The following EIF3H variants were observed in gnomAD, a reference collection of about 807,000 sequenced individuals.
EIF3H encodes eukaryotic translation initiation factor 3 subunit H.
In EIF3H, 26 loss-of-function variants were observed where a neutral mutation model predicts 44.2. The observed-to-expected ratio is 0.59, with a 90% confidence interval of 0.43 to 0.82. EIF3H has a LOEUF of 0.82. Among genes scored for constraint, EIF3H ranks in the 40% least tolerant of loss-of-function variants. EIF3H has a pLI of 0.00. For synonymous variants in EIF3H, 166 were observed against 151.9 expected, an observed-to-expected ratio of 1.09 and a Z score of -0.68; for missense variants, 359 against 432.8, an observed-to-expected ratio of 0.83 and a Z score of 1.51.
chr8:116,756,684 A>C (rs951043381), upstream of EIF3H, among the ~76,000 whole-genome samples: 1 of 152,234 alleles, frequency 6.6e-6, no homozygotes, highest in Non-Finnish European at 1.5e-5. Flanking sequence ...TTGTTTTGTC[A>C]TTGGGATCTG....
intron 2 of EIF3H, among the ~76,000 whole-genome samples, chr8:116,677,205 T>C (rs976765343): frequency 4.6e-5 from 7 of 152,156 alleles, no homozygotes; most frequent in African/African-American, 1.4e-4. Context: ...TGCAGAAAAA[T>C]ACTCTGTGCA....
chr8:116,744,276 C>G (rs1266376793), intron 1 of EIF3H, among the ~76,000 whole-genome samples: 1 of 149,822 alleles, frequency 6.7e-6, no homozygotes, highest in African/African-American at 2.5e-5. Context: ...CACTTAAGTA[C>G]CACTTTAGGT....
chr8:116,699,851 C>T (rs1050478715), intron 2 of EIF3H, among the ~76,000 whole-genome samples: 9 of 152,002 alleles, frequency 5.9e-5, no homozygotes, highest in African/African-American at 1.7e-4. Context: ...GCTCTTGTTG[C>T]CCAGGCTGAA....
chr8:116,740,867 G>A (rs1269449760), intron 1 of EIF3H, among the ~76,000 whole-genome samples: 3 of 151,992 alleles, frequency 2.0e-5, no homozygotes, highest in African/African-American at 7.3e-5. Context: ...CCTTAGGCAG[G>A]TTACCTTATC....
intron 5 of EIF3H, among the ~76,000 whole-genome samples, chr8:116,652,060 C>G (rs1325049027): frequency 6.6e-6 from 1 of 152,100 alleles, no homozygotes; most frequent in Non-Finnish European, 1.5e-5. Flanking sequence ...AATCGCCCCA[C>G]GAGTACATGT....
rs376532100 is a variant in EIF3H at position 116,642,775 on chromosome 8, C to T, written c.*2231G>A. On this transcript the variant is annotated 3_prime_UTR_variant, in exon 8 of 8. Transcript: ENST00000521861. ...AGAATACAGCACTCAAATCAAATGC[C>T]GAACAGAAGCTATTCCCTAACACTA... 1 of 152,128 alleles carries T rather than the reference C, an allele frequency of 6.6e-6. No homozygotes were observed. The highest frequency in any genetic ancestry group is 2.4e-5 in the African/African-American group (1 of 41,422). 9.4% of individuals were successfully genotyped at this position (152,128 alleles called of 1,614,324 possible).
rs989468268 is a variant in EIF3H at position 116,643,014 on chromosome 8, A to G, written c.*1992T>C. Reference sequence around the variant, plus strand: ...GTTAAATTACTCTTAATCCTAAAAAATACATAAGTTATGTTCCAACTGATT... The same window carrying G: ...GTTAAATTACTCTTAATCCTAAAAAGTACATAAGTTATGTTCCAACTGATT... On this transcript the variant is annotated 3_prime_UTR_variant, in exon 8 of 8. Transcript: ENST00000521861. The G allele has an allele frequency of 3.9e-5, 6 of 152,244 alleles. No homozygotes were observed. The highest frequency in any genetic ancestry group is 7.3e-5 in the Non-Finnish European group (5 of 68,040). The allele number at this position is 152,244 out of a possible 1,614,324, so 9.4% of individuals were successfully genotyped here.
chr8:116,739,291 C>T lies in EIF3H; in HGVS notation c.133-13119G>A, dbSNP rs568505901. On this transcript the variant is annotated intron_variant, in intron 1 of 7. Coordinates refer to ENST00000521861, the MANE Select transcript of EIF3H (RefSeq NM_003756.3). ...TATTTAGGCCCATCCCTTTATTTCC[C>T]GTAAGGAATACTTTCAGTTAATCTA... 9.8e-5 allele frequency among the ~76,000 whole-genome samples: 15 copies of T among 152,310 alleles called. No homozygotes were observed. The East Asian group carries it at 1.3e-3, about 14-fold the overall frequency.
chr8:116,746,863 C>T (rs968732039), intron 1 of EIF3H, among the ~76,000 whole-genome samples: 2 of 151,680 alleles, frequency 1.3e-5, no homozygotes, highest in African/African-American at 4.8e-5. Context: ...GTTTTTCACT[C>T]ACAGCAAAAA....
intron 2 of EIF3H, among the ~76,000 whole-genome samples, chr8:116,717,256 A>C (rs1417183453): frequency 6.6e-6 from 1 of 152,172 alleles, no homozygotes; most frequent in East Asian, 1.9e-4. Context: ...TAGACTACAC[A>C]AACAAATGGA....
At chr8:116,646,014 A>C (rs1466053882) in intron 7 of EIF3H, among the ~76,000 whole-genome samples, 1 of 152,244 alleles carries the variant, frequency 6.6e-6, no homozygotes, top group Non-Finnish European at 1.5e-5. Flanking sequence ...TTAAACATTA[A>C]GTATAACCAG....
chr8:116,764,112 T>C (rs772087880), intron 1 of EIF3H, among the ~76,000 whole-genome samples: 8 of 152,318 alleles, frequency 5.3e-5, no homozygotes, highest in Non-Finnish European at 8.8e-5. Context: ...ATTAATCGCC[T>C]ACTTACTCCA....
At chr8:116,687,948 C>T (rs934123889) in intron 2 of EIF3H, among the ~76,000 whole-genome samples, 46 of 152,022 alleles carry the variant, frequency 3.0e-4, no homozygotes, top group African/African-American at 1.1e-3. Context: ...AAGGTCCCGG[C>T]CTTCTAAATA....
intron 2 of EIF3H, among the ~76,000 whole-genome samples, chr8:116,722,717 T>C (rs1008487017): frequency 1.3e-5 from 2 of 152,178 alleles, no homozygotes; most frequent in African/African-American, 4.8e-5. Flanking sequence ...AGGTTTTGTT[T>C]TTCTTATCAG....
chr8:116,757,914 G>T (rs1240964530), upstream of EIF3H, among the ~76,000 whole-genome samples: 1 of 152,090 alleles, frequency 6.6e-6, no homozygotes, highest in Non-Finnish European at 1.5e-5. Context: ...TAAAGACGGG[G>T]TTTTGCCATG....
At chr8:116,654,560 G>A (rs1200568046) in intron 5 of EIF3H, among the ~76,000 whole-genome samples, 2 of 152,098 alleles carry the variant, frequency 1.3e-5, no homozygotes, top group Non-Finnish European at 2.9e-5. Flanking sequence ...TTTAAATACA[G>A]GTGTGCCCAA....
rs192291186 is a variant in EIF3H, at chr8:116,648,484, A to C, written c.828+322T>G. Among the ~76,000 whole-genome samples, 5 of 152,224 alleles carry C rather than the reference A, an allele frequency of 3.3e-5. No homozygotes were observed. In the East Asian group the frequency reaches 9.6e-4, roughly 29 times the overall value. The stretch of plus-strand genomic sequence containing the variant: ...TGCCACAATGAGCCACTGCCAAACC[A>C]ATTATAGTTAGTAAAGAAATGAGCT... On this transcript the variant is annotated intron_variant, in intron 6 of 7. Coordinates refer to ENST00000521861, the MANE Select transcript of EIF3H (RefSeq NM_003756.3).
chr8:116,656,025 T>G lies in EIF3H; in HGVS notation c.558-20A>C, dbSNP rs1235505258. The G allele has an allele frequency of 1.2e-6, 2 of 1,610,434 alleles. No homozygotes were observed. Among genetic ancestry groups the G allele is most frequent in the Non-Finnish European group, 1.7e-6 (2 of 1,178,484 alleles). On this transcript the variant is annotated intron_variant, in intron 4 of 7. Transcript: ENST00000521861. ...TTCAATCTGTGAAGCATGTTAAAAA[T>G]ACTTTAGTCTGATGGTCAAAAGTAA...
At chr8:116,693,850 A>T (rs114281704) in intron 2 of EIF3H, among the ~76,000 whole-genome samples, 2,060 of 152,126 alleles carry the variant, frequency 0.014, 43 homozygotes, top group African/African-American at 0.046. Context: ...TATTTTGTGT[A>T]GAGTCGGGGT....
Sources: allele counts gnomAD v4.1 joint callset (sites outside exome capture counted in the v4.1 genomes callset), GRCh38; gene constraint gnomAD v4.1.1; transcripts MANE v1.5; gene names NCBI Gene and HGNC (gene_info 2026-07-23, HGNC 2026-07-21).